Variants in ZNF385B observed in about 807,000 individuals in gnomAD.
ZNF385B encodes zinc finger protein 385B, also known as zinc finger protein 533.
Under a neutral mutation model 39.2 loss-of-function variants are expected in ZNF385B, and 23 were observed. The observed-to-expected ratio is 0.59, with a 90% CI of 0.42 to 0.83. The LOEUF (loss-of-function observed/expected upper bound fraction) is 0.83. Ranked by LOEUF, ZNF385B falls within the 40% of genes least tolerant of loss-of-function variation. The probability of loss-of-function intolerance (pLI) is 0.00; values close to 1 mark genes in which losing one functional copy is unlikely to be tolerated. For synonymous variants in ZNF385B, 205 were observed against 222.6 expected, an observed-to-expected ratio of 0.92 and a Z score of 0.70; for missense variants, 552 against 598.9, an observed-to-expected ratio of 0.92 and a Z score of 0.82.
intron 3 of ZNF385B, among the ~76,000 whole-genome samples, chr2:179,747,926 C>T (rs1410513128): frequency 6.6e-6 from 1 of 152,086 alleles, no homozygotes; most frequent in Non-Finnish European, 1.5e-5. Context: ...ATAATTTAAG[C>T]TCACATTAGT....
At chr2:179,775,408 T>G (rs1412620667) in intron 1 of ZNF385B, among the ~76,000 whole-genome samples, 1 of 152,222 alleles carries the variant, frequency 6.6e-6, no homozygotes. Context: ...TGGAGAACTC[T>G]CTGCATAACA....
intron 3 of ZNF385B, among the ~76,000 whole-genome samples, chr2:179,568,793 A>G (rs1350497625): frequency 6.6e-6 from 1 of 152,212 alleles, no homozygotes; most frequent in African/African-American, 2.4e-5. Context: ...GAAGCCATTA[A>G]TTGATACTCA....
chr2:179,776,849 G>T (rs567205846), intron 1 of ZNF385B, among the ~76,000 whole-genome samples: 1 of 152,092 alleles, frequency 6.6e-6, no homozygotes, highest in Non-Finnish European at 1.5e-5. Flanking sequence ...ACTATTTTTT[G>T]AATTAGGTAA....
chr2:179,699,075 G>T (rs964113369), intron 3 of ZNF385B, among the ~76,000 whole-genome samples: 1 of 150,776 alleles, frequency 6.6e-6, no homozygotes, highest in Admixed American at 6.7e-5. Context: ...TTATAAATAT[G>T]CTGGAAAGCT....
At chr2:179,565,728 C>T (rs1009490448) in intron 3 of ZNF385B, among the ~76,000 whole-genome samples, 3 of 152,206 alleles carry the variant, frequency 2.0e-5, no homozygotes, top group African/African-American at 7.2e-5. Flanking sequence ...CTTTTTGTCT[C>T]CTTTTAAATT....
At chr2:179,492,345 TG>T (rs1021205419) in intron 5 of ZNF385B, among the ~76,000 whole-genome samples, 1 of 152,212 alleles carries the variant, frequency 6.6e-6, no homozygotes, top group Non-Finnish European at 1.5e-5. Context: ...TTCAAGTTTA[TG>T]CATTAAAGCT....
rs569583967 is a variant in ZNF385B, at chr2:179,709,243, G to A, written c.298+60260C>T. On this transcript the variant is annotated intron_variant, in intron 3 of 9. Coordinates refer to ENST00000410066, the MANE Select transcript of ZNF385B (RefSeq NM_152520.6). ...GTTTCTGTTACACTGATGACATCAT[G>A]CTAACTTCTGAGTCTTTTTCCAGCT... Among the ~76,000 whole-genome samples the A allele has an allele frequency of 2.6e-5, 4 of 152,318 alleles. No homozygotes were observed. The South Asian group carries it at 8.3e-4, about 32-fold the overall frequency.
At chr2:179,688,490 A>AAATAAC in intron 3 of ZNF385B, among the ~76,000 whole-genome samples, 1 of 149,564 alleles carries the variant, frequency 6.7e-6, no homozygotes, top group Admixed American at 6.7e-5. Flanking sequence ...TCCCCCTGCA[A>AAATAAC]AACAACAACA....
chr2:179,560,187 G>A (rs531726481), intron 3 of ZNF385B, among the ~76,000 whole-genome samples: 1 of 152,228 alleles, frequency 6.6e-6, no homozygotes, highest in East Asian at 1.9e-4. Flanking sequence ...AACACCAAAA[G>A]TCAAGGCCAT....
chr2:179,627,945 A>G (rs1690823643), intron 3 of ZNF385B, among the ~76,000 whole-genome samples: 2 of 152,192 alleles, frequency 1.3e-5, no homozygotes, highest in Non-Finnish European at 2.9e-5. Context: ...AAAAGTAGTT[A>G]CAATAATAGA....
chr2:179,647,679 A>G (rs150433839), intron 3 of ZNF385B, among the ~76,000 whole-genome samples: 242 of 152,362 alleles, frequency 1.6e-3, no homozygotes, highest in African/African-American at 5.6e-3. Flanking sequence ...TATAGGGTTC[A>G]TAAGTTAAGG....
intron 6 of ZNF385B, among the ~76,000 whole-genome samples, chr2:179,480,122 A>G (rs2053838237): frequency 6.6e-6 from 1 of 152,234 alleles, no homozygotes; most frequent in Non-Finnish European, 1.5e-5. Flanking sequence ...TCACGTGAGT[A>G]ACATTTTCAC....
At chr2:179,742,078 T>A (rs934969454) in intron 3 of ZNF385B, among the ~76,000 whole-genome samples, 5 of 152,162 alleles carry the variant, frequency 3.3e-5, no homozygotes, top group African/African-American at 1.2e-4. Context: ...ATTAATTGTA[T>A]AATACTCATT....
intron 1 of ZNF385B, among the ~76,000 whole-genome samples, chr2:179,852,717 T>C (rs1006851125): frequency 1.3e-5 from 2 of 152,006 alleles, no homozygotes; most frequent in African/African-American, 4.8e-5. Flanking sequence ...AAGGTAGGAG[T>C]GTTCTCCAAG....
intron 3 of ZNF385B, among the ~76,000 whole-genome samples, chr2:179,681,482 TG>T (rs1266463326): frequency 6.6e-6 from 1 of 152,200 alleles, no homozygotes; most frequent in Non-Finnish European, 1.5e-5. Flanking sequence ...GAAAAATAAG[TG>T]TTTTACATTA....
chr2:179,766,030 T>TCACACACA (rs71029829), intron 3 of ZNF385B, among the ~76,000 whole-genome samples: 9,123 of 140,770 alleles, frequency 0.065, 359 homozygotes, highest in African/African-American at 0.1. Context: ...GGTACATTGA[T>TCACACACA]CACACACACA....
rs534401069 is a variant in ZNF385B at position 179,761,766 on chromosome 2, T to C, written c.298+7737A>G. On this transcript the variant is annotated intron_variant, in intron 3 of 9. Transcript: ENST00000410066. ...GCTAACATTTTTTTTCTTTTCTTTT[T>C]TTTTTTTTTTTTTTTGCTTTTTAGA... 3.5e-3 allele frequency among the ~76,000 whole-genome samples: 520 copies of C among 148,408 alleles called. 2 individuals carry two copies. Among genetic ancestry groups the C allele is most frequent in the African/African-American group, 0.012 (497 of 40,726 alleles).
At chr2:179,745,652 A>G (rs890212577) in intron 3 of ZNF385B, 2 of 1,423,646 alleles carry the variant, frequency 1.4e-6, no homozygotes, top group Non-Finnish European at 1.9e-6. Flanking sequence ...ATAACATACA[A>G]AAGAATCTGT....
Position 179,478,433 on chromosome 2 carries a change from C to A in ZNF385B, c.715+4839G>T, listed in dbSNP as rs138811249. 7.8e-4 allele frequency among the ~76,000 whole-genome samples: 119 copies of A among 152,256 alleles called. 1 individual carries two copies. The highest frequency in any genetic ancestry group is 2.5e-3 in the African/African-American group (103 of 41,536). On this transcript the variant is annotated intron_variant, in intron 6 of 9. Transcript: ENST00000410066. ...AATGGATACTAATTTCAGCCCTATC[C>A]ATCAAAGGGTTAAGAAAGTCAAGTG...
Sources: gnomAD v4.1 joint callset for allele counts (sites outside exome capture counted in the v4.1 genomes callset) on GRCh38, gnomAD v4.1.1 for gene constraint, MANE v1.5 for transcripts, NCBI Gene and HGNC (gene_info 2026-07-23, HGNC 2026-07-21) for gene names.